Variants in SLC37A2 observed in about 807,000 individuals in gnomAD.
SLC37A2 encodes the protein glucose-6-phosphate exchanger SLC37A2.
In SLC37A2, 59 loss-of-function variants were observed where a neutral mutation model predicts 70.7. The ratio of observed to expected loss-of-function variants is 0.83; its 90% CI spans 0.68 to 1.04. SLC37A2 has a LOEUF of 1.04. SLC37A2 is among the 50% of genes least tolerant of loss of function. The pLI is 0.00. For synonymous variants in SLC37A2, 257 were observed against 262.1 expected, an observed-to-expected ratio of 0.98 and a Z score of 0.19; for missense variants, 580 against 658.1, an observed-to-expected ratio of 0.88 and a Z score of 1.30.
At chr11:125,079,044 G>C in intron 4 of SLC37A2, 68 bp from the exon 5 acceptor site, 16 of 1,603,896 alleles carry the variant, frequency 1.0e-5, no homozygotes, top group Non-Finnish European at 1.4e-5. Flanking sequence ...GGTGGGGGCA[G>C]AAACATGGTA....
At chr11:125,068,827 A>G (rs76177803) in intron 1 of SLC37A2, among the ~76,000 whole-genome samples, 4,301 of 152,326 alleles carry the variant, frequency 0.028, 202 homozygotes, top group African/African-American at 0.098. Flanking sequence ...CAGGGTGCAG[A>G]CAAATAAAAA....
In SLC37A2 at chr11:125,089,510, C is replaced by T. The variant is rs541979197; in HGVS notation, c.*1376C>T. 3.0e-4 allele frequency: 46 copies of T among 152,354 alleles called. No individual in the cohort carries two copies. The highest frequency in any genetic ancestry group is 7.9e-4 in the East Asian group (4 of 5,070). The allele number at this position is 152,354 out of a possible 1,614,324, so 9.4% of individuals were successfully genotyped here. A position where few individuals can be genotyped will look rare whatever the true frequency, so the allele number is the denominator to read the frequency against. ...GGAGGTGTGGAGCGAGAGGCGCGAG[C>T]GGGAACCGGGGCTGCATGCAGCGCT... On this transcript the variant is annotated 3_prime_UTR_variant, in exon 18 of 18. Coordinates refer to ENST00000403796, the MANE Select transcript of SLC37A2 (RefSeq NM_001145290.2).
At position 125,079,093 on chromosome 11, in the gene SLC37A2, C is replaced by A. The variant is rs370613713; in HGVS notation, c.315-19C>A. 2.2e-5 allele frequency: 36 copies of A among 1,613,874 alleles called. No homozygotes were observed. The African/African-American group carries it at 4.0e-4, about 18-fold the overall frequency. Reference sequence around the variant, plus strand: ...GACACAGAGGAGCTTAACCGCAGATCCAACTTTCTCTTCCCCAGTGGGGTT... The same window carrying A: ...GACACAGAGGAGCTTAACCGCAGATACAACTTTCTCTTCCCCAGTGGGGTT... On this transcript the variant is annotated intron_variant, in intron 4 of 17. Coordinates refer to ENST00000403796, the MANE Select transcript of SLC37A2 (RefSeq NM_001145290.2).
At chr11:125,086,125 C>A (rs901900714) in intron 17 of SLC37A2, 107 bp downstream of exon 17, 3 of 1,527,600 alleles carry the variant, frequency 2.0e-6, no homozygotes, top group Admixed American at 1.7e-5. Context: ...CCAGCCCAGA[C>A]CTGAGGAGCA....
At chr11:125,085,745 C>G in intron 16 of SLC37A2, 71 bp downstream of exon 16, 1 of 1,538,720 alleles carries the variant, frequency 6.5e-7, no homozygotes, top group East Asian at 2.3e-5. Context: ...CCCTGGAGGT[C>G]CAAAGCGTTG....
rs1949216009 is a variant in SLC37A2 at position 125,086,396 on chromosome 11, G to GC, written c.1490+379dup. ...CCAGTTGTAAAGACTTTCAACCTCA[G>GC]CAGAGCATGGTGCTTGGGAAGTGTT... On this transcript the variant is annotated intron_variant, in intron 17 of 17. Coordinates refer to ENST00000403796, the MANE Select transcript of SLC37A2 (RefSeq NM_001145290.2). 3.9e-6 allele frequency: 3 copies of GC among 765,878 alleles called. No individual in the cohort carries two copies. In the East Asian group the frequency reaches 7.3e-5, roughly 19 times the overall value. The allele number at this position is 765,878 out of a possible 1,614,324, so 47.4% of individuals were successfully genotyped here. A position where few individuals can be genotyped will look rare whatever the true frequency, so the allele number is the denominator to read the frequency against.
At chr11:125,079,353 A>G in intron 5 of SLC37A2, 106 bp downstream of exon 5, 1 of 1,431,554 alleles carries the variant, frequency 7.0e-7, no homozygotes, top group Admixed American at 1.7e-5. Flanking sequence ...CTCCCTGTCC[A>G]GTGCTCTCTA....
chr11:125,071,022 C>G (rs1949024437), intron 1 of SLC37A2, among the ~76,000 whole-genome samples: 1 of 152,180 alleles, frequency 6.6e-6, no homozygotes, highest in South Asian at 2.1e-4. Flanking sequence ...GAGCTGGGGT[C>G]AGGGTTGACA....
At position 125,080,525 on chromosome 11, in the gene SLC37A2, G is replaced by C. The variant is rs1395267867; in HGVS notation, c.528-89G>C. The stretch of plus-strand genomic sequence containing the variant: ...CCTCGGGGAAGCTGTAGTCAGCCCA[G>C]CTTTAGAGCTTGGCTGGGGCAGTTG... On this transcript the variant is annotated intron_variant, in intron 6 of 17. Transcript: ENST00000403796. The surrounding 1 kb of genome is among the most constrained non-coding windows in gnomAD (Gnocchi z 4.3). The C allele has an allele frequency of 7.7e-7, 1 of 1,290,344 alleles. No homozygotes were observed. The highest frequency in any genetic ancestry group is 1.0e-6 in the Non-Finnish European group (1 of 984,870). The allele number at this position is 1,290,344 out of a possible 1,614,324, so 79.9% of individuals were successfully genotyped here.
At chr11:125,078,003 A>G (rs1453115027) in intron 4 of SLC37A2, among the ~76,000 whole-genome samples, 1 of 152,166 alleles carries the variant, frequency 6.6e-6, no homozygotes, top group Non-Finnish European at 1.5e-5. Context: ...CGGCTCCATG[A>G]CAGAGGTGGC....
At chr11:125,074,222 C>T (rs1474140013) in intron 1 of SLC37A2, among the ~76,000 whole-genome samples, 1 of 151,966 alleles carries the variant, frequency 6.6e-6, no homozygotes, top group Non-Finnish European at 1.5e-5. Flanking sequence ...TTTGAAGCCT[C>T]AGCTCCAGGA....
At chr11:125,077,402 C>G (rs1949099750) in intron 3 of SLC37A2, 48 bp from the exon 4 acceptor site, 2 of 1,596,620 alleles carry the variant, frequency 1.3e-6, no homozygotes, top group Non-Finnish European at 1.7e-6. Context: ...GGGCTTCCTG[C>G]AGGGGCATCC....
At chr11:125,082,559 T>G (rs1949162163) in intron 10 of SLC37A2, among the ~76,000 whole-genome samples, 2 of 152,152 alleles carry the variant, frequency 1.3e-5, no homozygotes, top group South Asian at 4.1e-4. Context: ...TTTTCTCCCC[T>G]TGGAACTGAG....
At position 125,090,012 on chromosome 11, in the gene SLC37A2, C is replaced by T. The variant is rs10790722; in HGVS notation, c.*1878C>T. On this transcript the variant is annotated 3_prime_UTR_variant, in exon 18 of 18. Coordinates refer to ENST00000403796, the MANE Select transcript of SLC37A2 (RefSeq NM_001145290.2). ...TTATGTCCTGCTCAGGGATTGTAAA[C>T]ACACCAATCAGCACCCTGTGTTTAG... 58,676 of 152,262 alleles carry T rather than the reference C, an allele frequency of 0.39. 12,280 individuals carry two copies. The highest frequency in any genetic ancestry group is 0.48 in the Non-Finnish European group (32,434 of 68,076). 9.4% of individuals were successfully genotyped at this position (152,262 alleles called of 1,614,324 possible). A position where few individuals can be genotyped will look rare whatever the true frequency, so the allele number is the denominator to read the frequency against.
chr11:125,070,196 C>G (rs1019828027), intron 1 of SLC37A2, among the ~76,000 whole-genome samples: 1 of 152,162 alleles, frequency 6.6e-6, no homozygotes, highest in Non-Finnish European at 1.5e-5. Context: ...CCATTTTTCC[C>G]ACACCTCGAT....
Position 125,083,458 on chromosome 11 carries a change from C to T in SLC37A2, c.977-357C>T, listed in dbSNP as rs11219892. 0.2 allele frequency: 47,533 copies of T among 232,006 alleles called. 5,661 individuals are homozygous for T. The highest frequency in any genetic ancestry group is 0.32 in the African/African-American group (14,287 of 44,114). The allele number at this position is 232,006 out of a possible 1,614,324, so 14.4% of individuals were successfully genotyped here. The stretch of plus-strand genomic sequence containing the variant: ...GAAGAGTTCCTAGTGCTGCTAGGGC[C>T]GGAGTGAAGCAGAGAAAGGGCTGGG... On this transcript the variant is annotated intron_variant, in intron 10 of 17. Coordinates refer to ENST00000403796, the MANE Select transcript of SLC37A2 (RefSeq NM_001145290.2). The surrounding 1 kb of genome is among the most constrained non-coding windows in gnomAD (Gnocchi z 4.6).
chr11:125,089,785 C>T lies in SLC37A2; in HGVS notation c.*1651C>T, dbSNP rs955393586. ...GCGGTGCCTGAGCCTCCCACCCGCTCCATGGGCTCCTGTGGGGCCCGAGCC... is the reference window on the plus strand; with the variant it reads ...GCGGTGCCTGAGCCTCCCACCCGCTTCATGGGCTCCTGTGGGGCCCGAGCC... On this transcript the variant is annotated 3_prime_UTR_variant, in exon 18 of 18. Coordinates refer to ENST00000403796, the MANE Select transcript of SLC37A2 (RefSeq NM_001145290.2). 3 of 156,244 alleles carry T rather than the reference C, an allele frequency of 1.9e-5. No individual in the cohort carries two copies. Among genetic ancestry groups the T allele is most frequent in the Non-Finnish European group, 4.2e-5 (3 of 70,822 alleles). The allele number at this position is 156,244 out of a possible 1,614,324, so 9.7% of individuals were successfully genotyped here. A position where few individuals can be genotyped will look rare whatever the true frequency, so the allele number is the denominator to read the frequency against.
Position 125,077,478 on chromosome 11 carries a change from G to C in SLC37A2, c.264G>C (p.Gly88=). The change falls in exon 4 of 18, where the codon GGG becomes GGC. Residue 88 remains glycine, a synonymous_variant. Transcript: ENST00000403796. ...AGGACAACTATAAGGAGTTACTAGG[G>C]GGCGTGGACAACGCCTTCCTCATCG... The part of the protein sequence containing the change: ...FDKDNYKELL[G]GVDNAFLIAY... 1 of 1,613,892 alleles carries C rather than the reference G, an allele frequency of 6.2e-7. No individual in the cohort carries two copies. Among genetic ancestry groups the C allele is most frequent in the Non-Finnish European group, 8.5e-7 (1 of 1,179,910 alleles).
At chr11:125,072,900 C>G (rs543527714) in intron 1 of SLC37A2, among the ~76,000 whole-genome samples, 1 of 152,310 alleles carries the variant, frequency 6.6e-6, no homozygotes, top group Admixed American at 6.5e-5. Context: ...GCTCATCCCT[C>G]CATCCCTCTG....
Sources: gnomAD v4.1 joint callset for allele counts (sites outside exome capture counted in the v4.1 genomes callset) on GRCh38, gnomAD v4.1.1 for gene constraint, Gnocchi (gnomAD v3.1) non-coding constraint, MANE v1.5 for transcripts, NCBI Gene and HGNC (gene_info 2026-07-23, HGNC 2026-07-21) for gene names.